The following MTCL1 variants were observed in gnomAD, a reference collection of about 807,000 sequenced individuals.
MTCL1 encodes microtubule cross-linking factor 1.
Under a neutral mutation model 141.4 loss-of-function variants are expected in MTCL1, and 79 were observed. The observed-to-expected ratio is 0.56, with a 90% confidence interval of 0.47 to 0.67. The LOEUF is 0.67. Among genes scored for constraint, MTCL1 ranks in the 30% least tolerant of loss-of-function variants. The probability of loss-of-function intolerance (pLI) is 0.00; values close to 1 mark genes in which losing one functional copy is unlikely to be tolerated. For synonymous variants in MTCL1, 914 were observed against 875.8 expected (o/e 1.04, Z -0.77); for missense variants, 2,177 against 2,113.9 (o/e 1.03, Z -0.59).
intron 5 of MTCL1, 191 bp downstream of exon 4, chr18:8,778,083 G>C (rs1189690629): frequency 4.1e-6 from 2 of 492,338 alleles, no homozygotes; most frequent in African/African-American, 3.9e-5. Context: ...CCTCCCTCTT[G>C]TTTCTCCCTC....
At chr18:8,819,355 C>A (rs1054302956) in intron 13 of MTCL1, 96 bp downstream of exon 12, 1 of 1,341,738 alleles carries the variant, frequency 7.5e-7, no homozygotes, top group Non-Finnish European at 1.0e-6. Context: ...TCCTGGCAGG[C>A]TCTAGCACTT....
rs1277011469 is a variant in MTCL1, at chr18:8,822,219, CT to C, written c.3188+724del. Among the ~76,000 whole-genome samples, 1 of 152,190 alleles carries C rather than the reference CT, an allele frequency of 6.6e-6. No homozygotes were observed. Among genetic ancestry groups the C allele is most frequent in the African/African-American group, 2.4e-5 (1 of 41,416 alleles). The stretch of plus-strand genomic sequence containing the variant: ...TGTCCTTCACGCTGTCTTCTCTGGT[CT>C]TTCTTGGGTGGTACAGGACAGTACT... On this transcript the variant is annotated intron_variant, in intron 14 of 16. Transcript: ENST00000359865. This position sits in a 1 kb window ranked among gnomAD's most constrained non-coding sequence, Gnocchi z 4.6.
intron 1 of MTCL1, among the ~76,000 whole-genome samples, chr18:8,709,396 G>A (rs2096074758): frequency 6.6e-6 from 1 of 152,070 alleles, no homozygotes; most frequent in Admixed American, 6.6e-5. Context: ...GTCTGGCTAT[G>A]TTGTCCAGGC....
chr18:8,753,819 T>G (rs2096383898), intron 4 of MTCL1, among the ~76,000 whole-genome samples: 1 of 152,170 alleles, frequency 6.6e-6, no homozygotes, highest in Non-Finnish European at 1.5e-5. Flanking sequence ...GCAAGCTGTG[T>G]AGGAGTGTAA....
chr18:8,775,426 AGCT>A (rs1449870839), intron 4 of MTCL1, among the ~76,000 whole-genome samples: 3 of 150,140 alleles, frequency 2.0e-5, no homozygotes, highest in African/African-American at 7.3e-5. Context: ...AAAAAAAAAA[AGCT>A]GCGCATGGTG....
Position 8,718,409 on chromosome 18 carries a change from G to A in MTCL1, c.-27-15G>A, listed in dbSNP as rs771562880. ...TGTACTTGGCTCATAAATCTTCTCTGTCTGATTTGCATAGGATGAGTTAGA... is the reference window on the plus strand; with the variant it reads ...TGTACTTGGCTCATAAATCTTCTCTATCTGATTTGCATAGGATGAGTTAGA... On this transcript the variant is annotated splice_polypyrimidine_tract_variant and intron_variant, in intron 2 of 16. Transcript: ENST00000359865. The A allele has an allele frequency of 1.3e-5, 21 of 1,611,878 alleles. No individual in the cohort carries two copies. In the Admixed American group the frequency reaches 3.2e-4, roughly 24 times the overall value.
intron 4 of MTCL1, among the ~76,000 whole-genome samples, chr18:8,742,646 A>G (rs2096311081): frequency 6.6e-6 from 1 of 152,224 alleles, no homozygotes; most frequent in Admixed American, 6.5e-5. Context: ...TTACAATTCA[A>G]GGTGAGGTTT....
intron 4 of MTCL1, among the ~76,000 whole-genome samples, chr18:8,747,738 A>C (rs1021745988): frequency 6.6e-6 from 1 of 152,248 alleles, no homozygotes; most frequent in South Asian, 2.1e-4. Context: ...AAAACAGAGA[A>C]GCTGAGTAAG....
intron 2 of MTCL1, 49 bp from the exon 2 acceptor site, chr18:8,718,375 C>CT (rs1269095714): frequency 6.4e-7 from 1 of 1,565,754 alleles, no homozygotes; most frequent in Admixed American, 1.7e-5. Flanking sequence ...ACATGCCATC[C>CT]TTTTTTGATG....
chr18:8,729,476 G>A (rs1341214863), intron 4 of MTCL1, among the ~76,000 whole-genome samples: 1 of 151,700 alleles, frequency 6.6e-6, no homozygotes, highest in Non-Finnish European at 1.5e-5. Context: ...TACTCGTGAT[G>A]TACTGCCACC....
chr18:8,786,110 T>TGG lies in MTCL1; in HGVS notation c.1887+19_1887+20insGG. On this transcript the variant is annotated intron_variant, in intron 7 of 16. Transcript: ENST00000359865. The stretch of plus-strand genomic sequence containing the variant: ...CCTGGAGGTCAGCGTGGGCAAGCAA[T>TGG]CCCCCCCCCCCGCCCTCCCCCTCCT... The TGG allele has an allele frequency of 5.3e-6, 7 of 1,310,292 alleles. No individual in the cohort carries two copies. Among genetic ancestry groups the TGG allele is most frequent in the African/African-American group, 2.2e-5 (1 of 45,890 alleles). The allele number at this position is 1,310,292 out of a possible 1,614,324, so 81.2% of individuals were successfully genotyped here.
In MTCL1 at chr18:8,739,736, C is replaced by T. The variant is rs547409530; in HGVS notation, c.357+19240C>T. 3.1e-3 allele frequency among the ~76,000 whole-genome samples: 10 copies of T among 3,176 alleles called. No individual in the cohort carries two copies. The South Asian group carries it at 0.12, about 38-fold the overall frequency. 2.1% of individuals were successfully genotyped at this position (3,176 alleles called of 152,430 possible). A position where few individuals can be genotyped will look rare whatever the true frequency, so the allele number is the denominator to read the frequency against. On this transcript the variant is annotated intron_variant, in intron 4 of 16. Transcript: ENST00000359865. ...AGATTGTTTTGTTTGTTTGTTTGTT[C>T]GTTTGTTTTTTTTTGAGATGGAGTC... is the stretch of plus-strand genomic sequence containing the variant.
chr18:8,738,047 A>G (rs1258475359), intron 4 of MTCL1, among the ~76,000 whole-genome samples: 1 of 152,182 alleles, frequency 6.6e-6, no homozygotes, highest in African/African-American at 2.4e-5. Flanking sequence ...CAATAATTTC[A>G]TAGCTAATAT....
chr18:8,803,423 C>T (rs1399535200), intron 10 of MTCL1, among the ~76,000 whole-genome samples: 1 of 152,124 alleles, frequency 6.6e-6, no homozygotes, highest in African/African-American at 2.4e-5. Flanking sequence ...TTAGTACATC[C>T]CCTGGCCATA....
chr18:8,734,161 A>T (rs1030419614), intron 4 of MTCL1, among the ~76,000 whole-genome samples: 6 of 151,814 alleles, frequency 4.0e-5, no homozygotes, highest in Admixed American at 1.3e-4. Context: ...GGACTGCAGG[A>T]TGCTTAACGG....
At chr18:8,740,639 C>G (rs1390047691) in intron 4 of MTCL1, among the ~76,000 whole-genome samples, 1 of 152,126 alleles carries the variant, frequency 6.6e-6, no homozygotes, top group Non-Finnish European at 1.5e-5. Flanking sequence ...CCCGCCATCA[C>G]ACCTGGCTAA....
chr18:8,802,206 C>G (rs1440828793), intron 10 of MTCL1: 1 of 152,192 alleles, frequency 6.6e-6, no homozygotes, highest in Non-Finnish European at 1.5e-5. Context: ...CAAAAAGGAG[C>G]TGTGCGTGCC....
At position 8,785,702 on chromosome 18, in the gene MTCL1, G is replaced by T. The variant is rs751315288; in HGVS notation, c.1732-234G>T. 4 of 545,516 alleles carry T rather than the reference G, an allele frequency of 7.3e-6. No homozygotes were observed. The African/African-American group carries it at 7.7e-5, about 10-fold the overall frequency. The allele number at this position is 545,516 out of a possible 1,614,324, so 33.8% of individuals were successfully genotyped here. A position where few individuals can be genotyped will look rare whatever the true frequency, so the allele number is the denominator to read the frequency against. ...TTTTGCTTTTCAGATGTGTCCACCC[G>T]CCCCTTTGCTCATCCTCATCTTGGG... On this transcript the variant is annotated intron_variant, in intron 6 of 16. Transcript: ENST00000359865.
intron 4 of MTCL1, among the ~76,000 whole-genome samples, chr18:8,771,060 C>A (rs1214277872): frequency 6.6e-6 from 1 of 152,132 alleles, no homozygotes; most frequent in East Asian, 1.9e-4. Context: ...GGACATAGTG[C>A]CCGTGGCTGA....
Sources: allele counts gnomAD v4.1 joint callset (sites outside exome capture counted in the v4.1 genomes callset), GRCh38; gene constraint gnomAD v4.1.1; non-coding constraint Gnocchi (gnomAD v3.1); transcripts MANE v1.5; gene names NCBI Gene and HGNC (gene_info 2026-07-23, HGNC 2026-07-21).